Variants in SORD observed in about 807,000 individuals in gnomAD.
The protein encoded by SORD is (R,R)-butanediol dehydrogenase.
SORD carries 18 observed loss-of-function variants against 35.6 expected under a neutral mutation model. The observed-to-expected ratio is 0.51, with a 90% CI of 0.35 to 0.75. The LOEUF (loss-of-function observed/expected upper bound fraction) is 0.75, where lower values mean the gene tolerates loss of function less well. Ranked by LOEUF, SORD falls within the 30% of genes least tolerant of loss-of-function variation. SORD has a pLI of 0.01. For missense variants in SORD, 250 were observed against 390.2 expected, an observed-to-expected ratio of 0.64 and a Z score of 3.03; for synonymous variants, 106 against 152.9, an observed-to-expected ratio of 0.69 and a Z score of 2.26.
At chr15:45,061,683 C>T (rs556895917) in intron 4 of SORD, among the ~76,000 whole-genome samples, 87 of 151,910 alleles carry the variant, frequency 5.7e-4, no homozygotes, top group East Asian at 1.2e-3. Flanking sequence ...CTGGCTAACA[C>T]GGTGAAACCC....
chr15:45,061,743 C>A (rs759616772), intron 4 of SORD, among the ~76,000 whole-genome samples: 1 of 152,034 alleles, frequency 6.6e-6, no homozygotes, highest in African/African-American at 2.4e-5. Context: ...GTGGCAGGCA[C>A]CTGTAGTCCC....
intron 1 of SORD, among the ~76,000 whole-genome samples, chr15:45,029,224 A>G (rs796820797): frequency 0.21 from 31,161 of 150,772 alleles, no homozygotes; most frequent in African/African-American, 0.44. Context: ...TTTCAAATTC[A>G]AAACAGGAAA....
chr15:45,056,384 C>T (rs998265879), intron 3 of SORD, among the ~76,000 whole-genome samples: 1 of 152,064 alleles, frequency 6.6e-6, no homozygotes, highest in East Asian at 1.9e-4. Flanking sequence ...CTCCCATTCA[C>T]AATTGCTTCA....
rs539826626 is a variant in SORD, at chr15:45,061,685, G to A, written c.425+459G>A. Among the ~76,000 whole-genome samples, 8 of 151,930 alleles carry A rather than the reference G, an allele frequency of 5.3e-5. No homozygotes were observed. The East Asian group carries it at 1.5e-3, about 29-fold the overall frequency. On this transcript the variant is annotated intron_variant, in intron 4 of 8. Coordinates refer to ENST00000267814, the MANE Select transcript of SORD (RefSeq NM_003104.6). ...GATCGAGACCTTCCTGGCTAACACG[G>A]TGAAACCCCATCTCTACTAAAAAAA...
intron 3 of SORD, among the ~76,000 whole-genome samples, chr15:45,059,011 T>C (rs1257189730): frequency 6.6e-6 from 1 of 152,030 alleles, no homozygotes. Context: ...GGGAGGAAAC[T>C]TTTTCCTGGG....
chr15:45,035,427 A>C (rs188154456), intron 1 of SORD, among the ~76,000 whole-genome samples: 1 of 152,002 alleles, frequency 6.6e-6, no homozygotes, highest in Non-Finnish European at 1.5e-5. Flanking sequence ...CTCAGGGTTT[A>C]TGAATGCACC....
chr15:45,029,845 C>T (rs574518885), intron 1 of SORD, among the ~76,000 whole-genome samples: 1 of 152,370 alleles, frequency 6.6e-6, no homozygotes, highest in South Asian at 2.1e-4. Flanking sequence ...TCCCAGAAGT[C>T]AGGTTGTCTC....
intron 1 of SORD, among the ~76,000 whole-genome samples, chr15:45,037,259 C>G (rs1892882788): frequency 6.6e-6 from 1 of 152,250 alleles, no homozygotes; most frequent in Non-Finnish European, 1.5e-5. Context: ...CCTCTCGTGT[C>G]TGGGAGAGTC....
At chr15:45,066,244 CAAAAAAA>C (rs36027648) in intron 5 of SORD, among the ~76,000 whole-genome samples, 1 of 68,988 alleles carries the variant, frequency 1.4e-5, no homozygotes, top group Non-Finnish European at 2.9e-5. Flanking sequence ...GATTCTGTCT[CAAAAAAA>C]AAAAAAAAAA....
chr15:45,059,878 C>G (rs1420529782), intron 3 of SORD, among the ~76,000 whole-genome samples: 2 of 152,184 alleles, frequency 1.3e-5, no homozygotes, highest in African/African-American at 4.8e-5. Flanking sequence ...AGAGTATCTA[C>G]TGTATGATCC....
chr15:45,060,043 A>G (rs1893277554), intron 3 of SORD, among the ~76,000 whole-genome samples: 1 of 152,222 alleles, frequency 6.6e-6, no homozygotes, highest in Non-Finnish European at 1.5e-5. Context: ...GTATCTTAAA[A>G]GGGGTTTGCA....
chr15:45,068,319 G>T, intron 6 of SORD, 73 bp downstream of exon 6: 1 of 1,096,826 alleles, frequency 9.1e-7, no homozygotes, highest in South Asian at 1.2e-5. Context: ...TGTGTGAGGA[G>T]AGGTTATCTG....
chr15:45,054,785 C>T (rs1229130054), intron 3 of SORD, among the ~76,000 whole-genome samples: 3 of 151,428 alleles, frequency 2.0e-5, no homozygotes, highest in Admixed American at 6.6e-5. Context: ...TTAGGTCTAA[C>T]GTTTAAGTCT....
chr15:45,047,688 C>G (rs1445086924), intron 3 of SORD, among the ~76,000 whole-genome samples: 2 of 152,214 alleles, frequency 1.3e-5, no homozygotes, highest in Non-Finnish European at 2.9e-5. Flanking sequence ...TCCTGAATAA[C>G]CAGGTACTGA....
At chr15:45,056,859 C>T (rs563231448) in intron 3 of SORD, among the ~76,000 whole-genome samples, 1 of 152,278 alleles carries the variant, frequency 6.6e-6, no homozygotes, top group South Asian at 2.1e-4. Flanking sequence ...ATCATTGGTT[C>T]CAGTCACAGG....
chr15:45,029,622 G>A (rs758057585), intron 1 of SORD, among the ~76,000 whole-genome samples: 7 of 152,414 alleles, frequency 4.6e-5, no homozygotes, highest in African/African-American at 9.6e-5. Flanking sequence ...CTCGCTGCAC[G>A]GGGCATGCCA....
rs770899710 is a variant in SORD at position 45,063,940 on chromosome 15, T to C, written c.426-1331T>C. ...AAGCCGAGGGGAAGGGATAAGGGGG[T>C]GGTGGGTGGCAGCTGGGCCTCCATT... On this transcript the variant is annotated intron_variant, in intron 4 of 8. Coordinates refer to ENST00000267814, the MANE Select transcript of SORD (RefSeq NM_003104.6). Among the ~76,000 whole-genome samples, 271 of 143,214 alleles carry C rather than the reference T, an allele frequency of 1.9e-3. 1 individual carries two copies. Among genetic ancestry groups the C allele is most frequent in the African/African-American group, 6.9e-3 (268 of 38,784 alleles). The allele number at this position is 143,214 out of a possible 152,430, so 94.0% of individuals were successfully genotyped here.
intron 1 of SORD, chr15:45,036,169 C>T (rs1892862373): frequency 2.1e-5 from 7 of 328,912 alleles, no homozygotes; most frequent in Non-Finnish European, 3.5e-5. Flanking sequence ...GAACAAACTC[C>T]GGACACGCCC....
chr15:45,061,230 A>T lies in SORD; in HGVS notation c.425+4A>T. Reference sequence around the variant, plus strand: ...ACAATGCAGCCTTTTGTTACAAGTTAGTGTCCACAGTCCCACTGGGTCACC... The same window carrying T: ...ACAATGCAGCCTTTTGTTACAAGTTTGTGTCCACAGTCCCACTGGGTCACC... On this transcript the variant is annotated splice_donor_region_variant and intron_variant, in intron 4 of 8. Transcript: ENST00000267814. 6.2e-7 allele frequency: 1 copy of T among 1,613,872 alleles called. No individual in the cohort carries two copies. Among genetic ancestry groups the T allele is most frequent in the Non-Finnish European group, 8.5e-7 (1 of 1,179,924 alleles).
Sources: allele counts gnomAD v4.1 joint callset (sites outside exome capture counted in the v4.1 genomes callset), GRCh38; gene constraint gnomAD v4.1.1; transcripts MANE v1.5; gene names NCBI Gene and HGNC (gene_info 2026-07-23, HGNC 2026-07-21).